Variants in GRM2 observed in about 807,000 individuals in gnomAD.
The protein encoded by GRM2 is metabotropic glutamate receptor 2.
In GRM2, 35 loss-of-function variants were observed where a neutral mutation model predicts 60.4. The observed-to-expected ratio is 0.58, with a 90% CI of 0.44 to 0.77. The LOEUF is 0.77. Among genes scored for constraint, GRM2 ranks in the 30% least tolerant of loss-of-function variants. GRM2 has a pLI of 0.00. For synonymous variants in GRM2, 437 were observed against 484.1 expected (o/e 0.90, Z 1.28); for missense variants, 925 against 1,199.5 (o/e 0.77, Z 3.38).
In GRM2 at chr3:51,713,484, C is replaced by G; in HGVS notation, c.1288+174C>G. On this transcript the variant is annotated intron_variant, in intron 3 of 5. Coordinates refer to ENST00000395052, the MANE Select transcript of GRM2 (RefSeq NM_000839.5). The surrounding 1 kb of genome is among the most constrained non-coding windows in gnomAD (Gnocchi z 4.8). Reference sequence around the variant, plus strand: ...TAGGCAGAGAGGACTCCAACTGAAGCTACGGCTGAGGTTCCACTTTCTTCC... The same window carrying G: ...TAGGCAGAGAGGACTCCAACTGAAGGTACGGCTGAGGTTCCACTTTCTTCC... 1 of 597,722 alleles carries G rather than the reference C, an allele frequency of 1.7e-6. No homozygotes were observed. The highest frequency in any genetic ancestry group is 2.8e-5 in the East Asian group (1 of 35,974). 37.0% of individuals were successfully genotyped at this position (597,722 alleles called of 1,614,324 possible). A position where few individuals can be genotyped will look rare whatever the true frequency, so the allele number is the denominator to read the frequency against.
chr3:51,717,828 T>C lies in GRM2; in HGVS notation c.2545+11T>C. ...CCAGCCTTGGCCAAGGTCAGTGTCC[T>C]AAGCAGCCCTCTCTGCCTGTTCCCC... On this transcript the variant is annotated intron_variant, in intron 5 of 5. Coordinates refer to ENST00000395052, the MANE Select transcript of GRM2 (RefSeq NM_000839.5). The surrounding 1 kb of genome is among the most constrained non-coding windows in gnomAD (Gnocchi z 6.0). 1 of 1,611,914 alleles carries C rather than the reference T, an allele frequency of 6.2e-7. No individual in the cohort carries two copies. Among genetic ancestry groups the C allele is most frequent in the Middle Eastern group, 1.7e-4 (1 of 5,826 alleles).
Position 51,713,744 on chromosome 3 carries a change from T to TTTTCTTTCTTTC in GRM2, c.1288+450_1288+461dup, listed in dbSNP as rs113498271. ...GTCTTTCTTTTTTCTTTTCTTTCTTTTTTCTTTCTTTCTTTCTTTCTTTCT... is the reference window on the plus strand; with the variant it reads ...GTCTTTCTTTTTTCTTTTCTTTCTTTTTTCTTTCTTTCTTTCTTTCTTTCTTTCTTTCTTTCT... On this transcript the variant is annotated intron_variant, in intron 3 of 5. Transcript: ENST00000395052. The surrounding 1 kb of genome is among the most constrained non-coding windows in gnomAD (Gnocchi z 4.8). 7.4e-5 allele frequency: 17 copies of TTTTCTTTCTTTC among 230,768 alleles called. No homozygotes were observed. The highest frequency in any genetic ancestry group is 3.8e-4 in the African/African-American group (16 of 42,168). The allele number at this position is 230,768 out of a possible 1,614,324, so 14.3% of individuals were successfully genotyped here.
intron 2 of GRM2, chr3:51,711,339 CCTG>C (rs1703704882): frequency 6.6e-6 from 1 of 152,592 alleles, no homozygotes; most frequent in Non-Finnish European, 1.5e-5. Flanking sequence ...CGGCCTCCTA[CCTG>C]CTGCTGTCTT....
chr3:51,715,993 G>T lies in GRM2; in HGVS notation c.2220G>T (p.Ala740=). The change falls in exon 4 of 6, where the codon GCG becomes GCT. Residue 740 remains alanine, a synonymous_variant. Coordinates refer to ENST00000395052, the MANE Select transcript of GRM2 (RefSeq NM_000839.5). The surrounding 1 kb of genome is among the most constrained non-coding windows in gnomAD (Gnocchi z 9.0). Reference sequence around the variant, plus strand: ...TGGCCTACAATGTGCTCCTCATCGCGCTCTGCACGCTTTATGCCTTCAAGA... The same window carrying T: ...TGGCCTACAATGTGCTCCTCATCGCTCTCTGCACGCTTTATGCCTTCAAGA... ...GSLAYNVLLI[A]LCTLYAFKTR... 1 of 1,614,158 alleles carries T rather than the reference G, an allele frequency of 6.2e-7. No homozygotes were observed. Among genetic ancestry groups the T allele is most frequent in the Non-Finnish European group, 8.5e-7 (1 of 1,180,032 alleles).
At chr3:51,710,891 A>C (rs928631478) in intron 2 of GRM2, among the ~76,000 whole-genome samples, 1 of 152,252 alleles carries the variant, frequency 6.6e-6, no homozygotes, top group African/African-American at 2.4e-5. Flanking sequence ...AGTGCCCAGC[A>C]CAGGCTGCTG....
At position 51,718,127 on chromosome 3, in the gene GRM2, C is replaced by T. The variant is rs532136182; in HGVS notation, c.*15C>T. The T allele has an allele frequency of 8.7e-6, 14 of 1,609,626 alleles. No individual in the cohort carries two copies. Among genetic ancestry groups the T allele is most frequent in the Middle Eastern group, 1.7e-4 (1 of 6,060 alleles). On this transcript the variant is annotated 3_prime_UTR_variant, in exon 6 of 6. Transcript: ENST00000395052. This position sits in a 1 kb window ranked among gnomAD's most constrained non-coding sequence, Gnocchi z 4.2. ...CATCGCTTTGAAGACCCCATACTCCCGCCCTGACACAGCTGCTCCTGGGAA... is the reference window on the plus strand; with the variant it reads ...CATCGCTTTGAAGACCCCATACTCCTGCCCTGACACAGCTGCTCCTGGGAA...
chr3:51,710,695 G>T (rs1004587498), intron 2 of GRM2, among the ~76,000 whole-genome samples: 2 of 142,308 alleles, frequency 1.4e-5, no homozygotes, highest in Admixed American at 6.9e-5. Context: ...GAAGGGTGGG[G>T]AGGCAGCTCC....
chr3:51,715,525 T>C lies in GRM2; in HGVS notation c.1752T>C (p.Phe584=). The C allele has an allele frequency of 1.2e-6, 2 of 1,613,544 alleles. No homozygotes were observed. The highest frequency in any genetic ancestry group is 1.7e-6 in the Non-Finnish European group (2 of 1,180,018). ...GCCTCGGTGCCCTGGCCACCCTCTT[T>C]GTGCTGGGTGTCTTTGTGCGGCACA... The part of the protein sequence containing the change: ...IACLGALATL[F]VLGVFVRHNA... Residue 584 remains phenylalanine, a synonymous_variant, in exon 4 of 6, where the codon TTT becomes TTC. Coordinates refer to ENST00000395052, the MANE Select transcript of GRM2 (RefSeq NM_000839.5). The surrounding 1 kb of genome is among the most constrained non-coding windows in gnomAD (Gnocchi z 9.0).
chr3:51,713,278 A>G lies in GRM2; in HGVS notation c.1256A>G (p.Tyr419Cys), dbSNP rs1051160429. 6.2e-7 allele frequency: 1 copy of G among 1,611,828 alleles called. No individual in the cohort carries two copies. The highest frequency in any genetic ancestry group is 8.5e-7 in the Non-Finnish European group (1 of 1,179,194). Reference protein sequence around the residue: ...AMRPVNGRRLYKDFVLNVKFD... With the variant: ...AMRPVNGRRLCKDFVLNVKFD... ...CGGCCAGTTAACGGGCGCCGCCTCT[A>G]CAAGGACTTTGTGCTCAACGTCAAG... Residue 419 changes from tyrosine to cysteine, a missense_variant, in exon 3 of 6, where the codon TAC (tyrosine) becomes TGC (cysteine). Transcript: ENST00000395052. This position sits in a 1 kb window ranked among gnomAD's most constrained non-coding sequence, Gnocchi z 4.8.
At chr3:51,710,368 C>G (rs555861106) in intron 2 of GRM2, among the ~76,000 whole-genome samples, 1 of 152,188 alleles carries the variant, frequency 6.6e-6, no homozygotes, top group Non-Finnish European at 1.5e-5. Context: ...ATCAGGGGCC[C>G]GGCAAGTCAT....
In GRM2 at chr3:51,717,654, G is replaced by T; in HGVS notation, c.2382G>T (p.Met794Ile). The stretch of plus-strand genomic sequence containing the variant: ...CACCGCAGGTACAGACCACCACCAT[G>T]TGCGTGTCAGTCAGCCTCAGCGGCT... ...SSDYRVQTTT[M>I]CVSVSLSGSV... is the part of the protein sequence containing the mutation. Residue 794 changes from methionine (M) to isoleucine (I), a missense_variant, in exon 5 of 6, where the codon ATG becomes ATT. Met to Ile is a conservative substitution (Grantham distance 10). Transcript: ENST00000395052. The surrounding 1 kb of genome is among the most constrained non-coding windows in gnomAD (Gnocchi z 6.0). The T allele has an allele frequency of 6.2e-7, 1 of 1,613,698 alleles. No homozygotes were observed. Among genetic ancestry groups the T allele is most frequent in the East Asian group, 2.2e-5 (1 of 44,880 alleles).
rs4071859 is a variant in GRM2, at chr3:51,717,127, C to CAT, written c.2365-509_2365-508insTA. Among the ~76,000 whole-genome samples, 2 of 151,434 alleles carry CAT rather than the reference C, an allele frequency of 1.3e-5. No individual in the cohort carries two copies. The highest frequency in any genetic ancestry group is 2.4e-5 in the African/African-American group (1 of 41,186). On this transcript the variant is annotated intron_variant, in intron 4 of 5. Coordinates refer to ENST00000395052, the MANE Select transcript of GRM2 (RefSeq NM_000839.5). This position sits in a 1 kb window ranked among gnomAD's most constrained non-coding sequence, Gnocchi z 6.0. ...CCGTACCCACACATGCATGCACACA[C>CAT]ACACACACACTTGTACACACAGACA...
At position 51,715,457 on chromosome 3, in the gene GRM2, C is replaced by T. The variant is rs752765574; in HGVS notation, c.1684C>T (p.Arg562Cys). The change falls in exon 4 of 6, where the codon CGC becomes TGC. Residue 562 changes from arginine (R) to cysteine (C), a missense_variant. Coordinates refer to ENST00000395052, the MANE Select transcript of GRM2 (RefSeq NM_000839.5). This position sits in a 1 kb window ranked among gnomAD's most constrained non-coding sequence, Gnocchi z 9.0. ...CTTCGAACTGCCCCAGGAGTACATC[C>T]GCTGGGGCGATGCCTGGGCTGTGGG... ...GCFELPQEYI[R>C]WGDAWAVGPV... 27 of 1,612,560 alleles carry T rather than the reference C, an allele frequency of 1.7e-5. No individual in the cohort carries two copies. Among genetic ancestry groups the T allele is most frequent in the African/African-American group, 4.0e-5 (3 of 74,948 alleles).
chr3:51,717,379 A>T lies in GRM2; in HGVS notation c.2365-258A>T, dbSNP rs373366284. On this transcript the variant is annotated intron_variant, in intron 4 of 5. Transcript: ENST00000395052. This position sits in a 1 kb window ranked among gnomAD's most constrained non-coding sequence, Gnocchi z 6.0. ...CTCCATTCCTGCAGCCCCCAGATGCACACACCCCTGTGTATACATGCCCCC... is the reference window on the plus strand; with the variant it reads ...CTCCATTCCTGCAGCCCCCAGATGCTCACACCCCTGTGTATACATGCCCCC... 6.6e-5 allele frequency among the ~76,000 whole-genome samples: 10 copies of T among 152,220 alleles called. No homozygotes were observed. The highest frequency in any genetic ancestry group is 2.4e-4 in the African/African-American group (10 of 41,526).
Position 51,715,354 on chromosome 3 carries a change from C to T in GRM2, c.1581C>T (p.Pro527=). ...VCCWLCIPCQ[P]YEYRLDEFTC... Reference sequence around the variant, plus strand: ...GCTGGCTCTGCATTCCGTGCCAGCCCTATGAGTACCGATTGGACGAATTCA... The same window carrying T: ...GCTGGCTCTGCATTCCGTGCCAGCCTTATGAGTACCGATTGGACGAATTCA... Residue 527 remains proline, a synonymous_variant, in exon 4 of 6, where the codon CCC becomes CCT. Coordinates refer to ENST00000395052, the MANE Select transcript of GRM2 (RefSeq NM_000839.5). This position sits in a 1 kb window ranked among gnomAD's most constrained non-coding sequence, Gnocchi z 9.0. 1 of 1,613,822 alleles carries T rather than the reference C, an allele frequency of 6.2e-7. No individual in the cohort carries two copies. Among genetic ancestry groups the T allele is most frequent in the African/African-American group, 1.3e-5 (1 of 75,068 alleles).
At position 51,713,434 on chromosome 3, in the gene GRM2, G is replaced by A; in HGVS notation, c.1288+124G>A. 1 of 713,088 alleles carries A rather than the reference G, an allele frequency of 1.4e-6. No individual in the cohort carries two copies. The highest frequency in any genetic ancestry group is 2.7e-5 in the East Asian group (1 of 36,878). 44.2% of individuals were successfully genotyped at this position (713,088 alleles called of 1,614,324 possible). On this transcript the variant is annotated intron_variant, in intron 3 of 5. Transcript: ENST00000395052. The surrounding 1 kb of genome is among the most constrained non-coding windows in gnomAD (Gnocchi z 4.8). ...TGAAAGTAAAGGACTCACCTGGGGT[G>A]GCGTCAGAGCAAGGGCAAGGATGCT...
Position 51,716,242 on chromosome 3 carries a change from G to A in GRM2, c.2364+105G>A, listed in dbSNP as rs974025075. ...AGCTCTGGGGTTCCAAGAGGATAAT[G>A]CCCACTCAGGGGACCACAGCTTGTG... On this transcript the variant is annotated intron_variant, in intron 4 of 5. Coordinates refer to ENST00000395052, the MANE Select transcript of GRM2 (RefSeq NM_000839.5). This position sits in a 1 kb window ranked among gnomAD's most constrained non-coding sequence, Gnocchi z 4.0. 11 of 763,608 alleles carry A rather than the reference G, an allele frequency of 1.4e-5. No individual in the cohort carries two copies. Among genetic ancestry groups the A allele is most frequent in the Admixed American group, 9.4e-5 (4 of 42,714 alleles). 47.3% of individuals were successfully genotyped at this position (763,608 alleles called of 1,614,324 possible).
chr3:51,709,536 G>A (rs916581280), intron 2 of GRM2, 103 bp downstream of exon 2: 7 of 781,800 alleles, frequency 9.0e-6, no homozygotes, highest in African/African-American at 3.5e-5. Context: ...AATTGGAAGG[G>A]AAACTAGAAG....
rs1417564835 is a variant in GRM2, at chr3:51,713,066, C to T, written c.1044C>T (p.Phe348=). Residue 348 remains phenylalanine, a synonymous_variant, in exon 3 of 6, where the codon TTC becomes TTT. Coordinates refer to ENST00000395052, the MANE Select transcript of GRM2 (RefSeq NM_000839.5). The surrounding 1 kb of genome is among the most constrained non-coding windows in gnomAD (Gnocchi z 4.8). ...GCCGGAACCCCTGGTTCCGTGAATT[C>T]TGGGAGCAGAGGTTCCGCTGCAGCT... The part of the protein sequence containing the change: ...NNSRNPWFRE[F]WEQRFRCSFR... The T allele has an allele frequency of 1.2e-6, 2 of 1,613,116 alleles. No individual in the cohort carries two copies. The highest frequency in any genetic ancestry group is 2.7e-5 in the African/African-American group (2 of 74,950).
Sources: allele counts gnomAD v4.1 joint callset (sites outside exome capture counted in the v4.1 genomes callset), GRCh38; gene constraint gnomAD v4.1.1; non-coding constraint Gnocchi (gnomAD v3.1); transcripts MANE v1.5; gene names NCBI Gene and HGNC (gene_info 2026-07-23, HGNC 2026-07-21).